SLC26A11: variants seen among roughly 807,000 people sequenced by gnomAD.
SLC26A11 encodes sodium-independent sulfate anion transporter.
A neutral mutation model predicts 62.2 loss-of-function variants in SLC26A11; 58 were observed. The observed-to-expected ratio is 0.93, with a 90% confidence interval of 0.76 to 1.16. The LOEUF (loss-of-function observed/expected upper bound fraction) is 1.16, where lower values mean the gene tolerates loss of function less well. Among genes scored for constraint, SLC26A11 ranks in the 50% most tolerant of loss-of-function variants. The pLI, the probability that SLC26A11 is intolerant of heterozygous loss-of-function variation, is 0.00. For missense variants in SLC26A11, 790 were observed against 794.3 expected, an observed-to-expected ratio of 0.99 and a Z score of 0.06; for synonymous variants, 411 against 368.9, an observed-to-expected ratio of 1.11 and a Z score of -1.31.
At chr17:80,243,759 A>G (rs1272433971) in intron 10 of SLC26A11, among the ~76,000 whole-genome samples, 1 of 152,230 alleles carries the variant, frequency 6.6e-6, no homozygotes, top group Non-Finnish European at 1.5e-5. Flanking sequence ...TTCCAGGGAT[A>G]CAACACAGAC....
In SLC26A11 at chr17:80,252,516, T is replaced by C; in HGVS notation, c.1730-109T>C. ...GCCTGGGTGGCCCACAGCTCCTTCC[T>C]GCACACCTTCCAGGACTCTGGAAGG... On this transcript the variant is annotated intron_variant, in intron 17 of 17. Coordinates refer to ENST00000361193, the MANE Select transcript of SLC26A11 (RefSeq NM_001166347.2). This position sits in a 1 kb window ranked among gnomAD's most constrained non-coding sequence, Gnocchi z 5.2. The C allele has an allele frequency of 1.0e-6, 1 of 985,254 alleles. No homozygotes were observed. 61.0% of individuals were successfully genotyped at this position (985,254 alleles called of 1,614,324 possible).
Position 80,221,123 on chromosome 17 carries a change from C to G in SLC26A11, c.-14+8C>G, listed in dbSNP as rs1247249653. The G allele has an allele frequency of 6.3e-6, 1 of 157,626 alleles. No individual in the cohort carries two copies. Among genetic ancestry groups the G allele is most frequent in the Non-Finnish European group, 1.4e-5 (1 of 71,936 alleles). The allele number at this position is 157,626 out of a possible 1,614,324, so 9.8% of individuals were successfully genotyped here. A position where few individuals can be genotyped will look rare whatever the true frequency, so the allele number is the denominator to read the frequency against. ...ACCCCCCGCCAGCCTACGGTGCGCC[C>G]GCGGGCCCAGCTTCTCTCTGCGCTG... On this transcript the variant is annotated splice_region_variant and intron_variant, in intron 2 of 17. Transcript: ENST00000361193.
rs1263687603 is a variant in SLC26A11, at chr17:80,252,292, G to A, written c.1730-333G>A. Reference sequence around the variant, plus strand: ...TGGCGGATGTTGTACTGACTTCCTTGGCTCAATGTGACGTCAGGGAGATTC... The same window carrying A: ...TGGCGGATGTTGTACTGACTTCCTTAGCTCAATGTGACGTCAGGGAGATTC... On this transcript the variant is annotated intron_variant, in intron 17 of 17. Transcript: ENST00000361193. This position sits in a 1 kb window ranked among gnomAD's most constrained non-coding sequence, Gnocchi z 5.2. 2.0e-5 allele frequency among the ~76,000 whole-genome samples: 3 copies of A among 152,188 alleles called. No individual in the cohort carries two copies. The highest frequency in any genetic ancestry group is 2.9e-5 in the Non-Finnish European group (2 of 68,034).
chr17:80,224,444 AGT>A (rs1555626282), intron 5 of SLC26A11, among the ~76,000 whole-genome samples: 14 of 146,900 alleles, frequency 9.5e-5, no homozygotes, highest in South Asian at 6.5e-4. Flanking sequence ...TGGGTGTGAG[AGT>A]GTGAGTGTGA....
chr17:80,229,958 C>T (rs1295420058), intron 7 of SLC26A11, among the ~76,000 whole-genome samples: 1 of 151,892 alleles, frequency 6.6e-6, no homozygotes. Flanking sequence ...AATCCCAGCA[C>T]TTTGGGAGGC....
intron 9 of SLC26A11, among the ~76,000 whole-genome samples, chr17:80,238,811 G>GTTTTTTTTTTTTTTTTTTTTTTTTTTTT (rs1276063968): frequency 2.4e-5 from 3 of 123,226 alleles, no homozygotes; most frequent in African/African-American, 6.9e-5. Context: ...CTTCAAAGGA[G>GTTTTTTTTTTTTTTTTTTTTTTTTTTTT]TTTTTTTTGT....
intron 2 of SLC26A11, 192 bp from the exon 3 acceptor site, chr17:80,221,356 G>C (rs953197119): frequency 1.5e-5 from 8 of 523,294 alleles, no homozygotes; most frequent in Middle Eastern, 4.8e-4. Context: ...GATGAGGGAC[G>C]GGGTGGGCCT....
chr17:80,225,221 C>T (rs1466150112), intron 5 of SLC26A11, among the ~76,000 whole-genome samples: 1 of 152,060 alleles, frequency 6.6e-6, no homozygotes, highest in Admixed American at 6.5e-5. Flanking sequence ...AACTAAAACA[C>T]AGGATAGAGT....
intron 9 of SLC26A11, among the ~76,000 whole-genome samples, chr17:80,238,215 G>A (rs1293933061): frequency 6.6e-6 from 1 of 152,074 alleles, no homozygotes; most frequent in Non-Finnish European, 1.5e-5. Flanking sequence ...AATTAGCTGG[G>A]CATGGAGCAC....
chr17:80,246,182 T>C lies in SLC26A11; in HGVS notation c.1126T>C (p.Cys376Arg). ...RTAVNAQSGV[C>R]TPAGGLVTGV... is the part of the protein sequence containing the mutation. ...AGCCGTGAACGCTCAGTCGGGGGTG[T>C]GCACCCCGGCGGGGGGCCTGGTGAC... Residue 376 changes from cysteine (C) to arginine (R), a missense_variant, in exon 12 of 18, where the codon TGC becomes CGC. Transcript: ENST00000361193. This position sits in a 1 kb window ranked among gnomAD's most constrained non-coding sequence, Gnocchi z 4.4. 1 of 1,612,768 alleles carries C rather than the reference T, an allele frequency of 6.2e-7. No individual in the cohort carries two copies. The highest frequency in any genetic ancestry group is 1.1e-5 in the South Asian group (1 of 91,048).
rs751381763 is a variant in SLC26A11, at chr17:80,248,167, G to A, written c.1332G>A (p.Leu444=). 1 of 1,607,220 alleles carries A rather than the reference G, an allele frequency of 6.2e-7. No individual in the cohort carries two copies. Among genetic ancestry groups the A allele is most frequent in the East Asian group, 2.2e-5 (1 of 44,874 alleles). Residue 444 remains leucine, a synonymous_variant, in exon 14 of 18, where the codon CTG becomes CTA. Coordinates refer to ENST00000361193, the MANE Select transcript of SLC26A11 (RefSeq NM_001166347.2). ...DLLPLCVTFL[L]CFWEVQYGIL... ...TGCCCCTGTGCGTGACCTTCCTGCT[G>A]TGCTTCTGGGAGGTGCAGTACGGCA...
At chr17:80,251,462 G>A (rs531949273) in intron 17 of SLC26A11, 61 bp downstream of exon 17, 4 of 1,603,040 alleles carry the variant, frequency 2.5e-6, no homozygotes, top group Non-Finnish European at 3.4e-6. Flanking sequence ...AATGCTTATT[G>A]TAAAAAATAT....
At position 80,234,883 on chromosome 17, in the gene SLC26A11, T is replaced by C. The variant is rs143218632; in HGVS notation, c.737-2045T>C. 9.8e-3 allele frequency among the ~76,000 whole-genome samples: 1,488 copies of C among 151,498 alleles called. 26 individuals are homozygous for C. Among genetic ancestry groups the C allele is most frequent in the African/African-American group, 0.029 (1,201 of 41,248 alleles). On this transcript the variant is annotated intron_variant, in intron 7 of 17. Transcript: ENST00000361193. ...TTTTTTTTTTAAGATGGAGTTTCGC[T>C]CTGTTGTCCAGGCTGGAGTGCAATG...
chr17:80,223,060 G>T lies in SLC26A11; in HGVS notation c.428-192G>T. The T allele has an allele frequency of 1.4e-6, 1 of 724,004 alleles. No homozygotes were observed. Among genetic ancestry groups the T allele is most frequent in the Admixed American group, 2.4e-5 (1 of 41,644 alleles). 44.8% of individuals were successfully genotyped at this position (724,004 alleles called of 1,614,324 possible). On this transcript the variant is annotated intron_variant, in intron 4 of 17. Coordinates refer to ENST00000361193, the MANE Select transcript of SLC26A11 (RefSeq NM_001166347.2). The surrounding 1 kb of genome is among the most constrained non-coding windows in gnomAD (Gnocchi z 4.6). ...GGCCAGGACACTTGGAGAAGTGCCT[G>T]TGGCCTCAGACCCCAGTCTCCCTTT...
intron 5 of SLC26A11, among the ~76,000 whole-genome samples, chr17:80,224,618 G>C (rs908484127): frequency 6.6e-6 from 1 of 151,932 alleles, no homozygotes; most frequent in African/African-American, 2.4e-5. Flanking sequence ...ACTTAGGTGT[G>C]GGTGAGCGTG....
intron 5 of SLC26A11, among the ~76,000 whole-genome samples, chr17:80,224,388 TGA>T (rs1186831914): frequency 6.8e-5 from 10 of 148,142 alleles, no homozygotes; most frequent in South Asian, 2.2e-4. Flanking sequence ...CGCGCGTGTG[TGA>T]GTGTATGAGT....
chr17:80,246,403 A>AC lies in SLC26A11; in HGVS notation c.1154-101dup, dbSNP rs1049962581. ...TGGGGGCCTTGGCAGTCGTCGCCCT[A>AC]CCCCCACCCCTGTCCCCAGTGGGCT... On this transcript the variant is annotated intron_variant, in intron 12 of 17. Transcript: ENST00000361193. This position sits in a 1 kb window ranked among gnomAD's most constrained non-coding sequence, Gnocchi z 4.4. 2.1e-5 allele frequency: 31 copies of AC among 1,510,430 alleles called. No individual in the cohort carries two copies. In the African/African-American group the frequency reaches 3.7e-4, roughly 18 times the overall value. The allele number at this position is 1,510,430 out of a possible 1,614,324, so 93.6% of individuals were successfully genotyped here.
At chr17:80,251,550 G>C (rs1423017288) in intron 17 of SLC26A11, 149 bp downstream of exon 17, 1 of 1,009,196 alleles carries the variant, frequency 9.9e-7, no homozygotes, top group East Asian at 2.9e-5. Flanking sequence ...ATCACCTGAG[G>C]TCAGGAGTTC....
chr17:80,232,155 A>T (rs565450395), intron 7 of SLC26A11, among the ~76,000 whole-genome samples: 1 of 151,984 alleles, frequency 6.6e-6, no homozygotes, highest in African/African-American at 2.4e-5. Context: ...TCTTGGAATG[A>T]TACTTTTTTT....
Sources: allele counts gnomAD v4.1 joint callset (sites outside exome capture counted in the v4.1 genomes callset), GRCh38; gene constraint gnomAD v4.1.1; non-coding constraint Gnocchi (gnomAD v3.1); transcripts MANE v1.5; gene names NCBI Gene and HGNC (gene_info 2026-07-23, HGNC 2026-07-21).